The following HDAC9 variants were observed in gnomAD, a reference collection of about 807,000 sequenced individuals.
HDAC9 encodes MEF-2 interacting transcription repressor (MITR) protein.
A neutral mutation model predicts 139.4 loss-of-function variants in HDAC9; 41 were observed. The ratio of observed to expected loss-of-function variants is 0.29; its 90% CI spans 0.23 to 0.38. The LOEUF (loss-of-function observed/expected upper bound fraction) is 0.38, where lower values mean the gene tolerates loss of function less well. HDAC9 is among the 10% of genes least tolerant of loss of function. The pLI, the probability that HDAC9 is intolerant of heterozygous loss-of-function variation, is 1.00. For missense variants in HDAC9, 1,147 were observed against 1,297.0 expected (o/e 0.88, Z 1.78); for synonymous variants, 517 against 476.2 (o/e 1.09, Z -1.12).
chr7:18,520,221 A>G (rs540599150), intron 2 of HDAC9, among the ~76,000 whole-genome samples: 1 of 152,174 alleles, frequency 6.6e-6, no homozygotes, highest in South Asian at 2.1e-4. Flanking sequence ...CGTGATATAC[A>G]TCAAAATATT....
At chr7:18,661,699 C>A (rs1793204545) in intron 11 of HDAC9, among the ~76,000 whole-genome samples, 1 of 152,032 alleles carries the variant, frequency 6.6e-6, no homozygotes, top group Admixed American at 6.6e-5. Context: ...TGTTTTATAT[C>A]AAGAAACATT....
At chr7:18,622,893 C>T (rs4719535) in intron 6 of HDAC9, among the ~76,000 whole-genome samples, 10,164 of 151,574 alleles carry the variant, frequency 0.067, 731 homozygotes, top group East Asian at 0.33. Flanking sequence ...TCTGTAATCC[C>T]AGCACTTTGG....
In HDAC9 at chr7:18,996,133, G is replaced by T. The variant is rs1010930243; in HGVS notation, c.*71G>T. On this transcript the variant is annotated 3_prime_UTR_variant, in exon 26 of 26. Transcript: ENST00000686413. Reference sequence around the variant, plus strand: ...GTATCCCCCCACCCCAGTACCCTCAGACATGTCTTGTCTGCTGCCTGGGTG... The same window carrying T: ...GTATCCCCCCACCCCAGTACCCTCATACATGTCTTGTCTGCTGCCTGGGTG... 16 of 1,167,134 alleles carry T rather than the reference G, an allele frequency of 1.4e-5. No homozygotes were observed. In the African/African-American group the frequency reaches 2.3e-4, roughly 17 times the overall value. The allele number at this position is 1,167,134 out of a possible 1,614,324, so 72.3% of individuals were successfully genotyped here.
chr7:18,935,753 A>G, intron 22 of HDAC9, 56 bp from the exon 23 acceptor site: 10 of 1,375,836 alleles, frequency 7.3e-6, no homozygotes, highest in Non-Finnish European at 1.0e-6. Flanking sequence ...GTTAGATTCT[A>G]GTGATCACTT....
chr7:18,824,747 C>A (rs980814939), intron 17 of HDAC9, among the ~76,000 whole-genome samples: 2 of 152,180 alleles, frequency 1.3e-5, no homozygotes, highest in Non-Finnish European at 2.9e-5. Flanking sequence ...CTCTCTGCCA[C>A]CCTCATGTGC....
intron 25 of HDAC9, among the ~76,000 whole-genome samples, chr7:18,976,611 G>A (rs775854879): frequency 2.4e-4 from 36 of 152,150 alleles, no homozygotes; most frequent in Non-Finnish European, 4.6e-4. Context: ...GTGAAACTAA[G>A]ATTTGATTCA....
intron 2 of HDAC9, among the ~76,000 whole-genome samples, chr7:18,565,975 C>T (rs955158250): frequency 6.6e-6 from 1 of 151,754 alleles, no homozygotes; most frequent in African/African-American, 2.4e-5. Flanking sequence ...TTCATAGGAT[C>T]AGAATAATAT....
chr7:18,917,277 C>T (rs912469979), intron 22 of HDAC9, among the ~76,000 whole-genome samples: 6 of 151,694 alleles, frequency 4.0e-5, no homozygotes, highest in Non-Finnish European at 7.4e-5. Context: ...GGGCACTGCA[C>T]AATTGAAGCA....
At chr7:18,240,852 C>T (rs1464514456) in intron 2 of HDAC9, among the ~76,000 whole-genome samples, 5 of 152,180 alleles carry the variant, frequency 3.3e-5, no homozygotes, top group African/African-American at 1.2e-4. Context: ...TACTTCAGGG[C>T]TTTTGCATTT....
intron 1 of HDAC9, among the ~76,000 whole-genome samples, chr7:18,360,682 C>T (rs369280144): frequency 2.3e-4 from 35 of 152,274 alleles, no homozygotes; most frequent in African/African-American, 8.4e-4. Flanking sequence ...TTAGTTACTA[C>T]AGCACTCTTG....
chr7:18,185,986 A>G (rs1174583434), intron 2 of HDAC9, among the ~76,000 whole-genome samples: 12 of 152,220 alleles, frequency 7.9e-5, no homozygotes, highest in Non-Finnish European at 1.8e-4. Context: ...TTGAGTGTTC[A>G]TTGTATTTCA....
At chr7:18,368,309 A>AT (rs1458906190) in intron 1 of HDAC9, among the ~76,000 whole-genome samples, 2 of 151,756 alleles carry the variant, frequency 1.3e-5, no homozygotes, top group Non-Finnish European at 2.9e-5. Flanking sequence ...TCCATCTGGG[A>AT]TTTTTTTGTG....
intron 25 of HDAC9, among the ~76,000 whole-genome samples, chr7:18,980,948 C>G (rs1407764698): frequency 6.6e-6 from 1 of 151,770 alleles, no homozygotes; most frequent in African/African-American, 2.4e-5. Flanking sequence ...CTCAGCCTCT[C>G]GAGTATCTGG....
intron 2 of HDAC9, among the ~76,000 whole-genome samples, chr7:18,526,539 T>C (rs1259625355): frequency 2.0e-5 from 3 of 152,160 alleles, no homozygotes; most frequent in Non-Finnish European, 4.4e-5. Flanking sequence ...TTCTTGTCAA[T>C]GTGTCACCAA....
At chr7:18,961,562 T>C (rs1783531173) in intron 24 of HDAC9, among the ~76,000 whole-genome samples, 2 of 152,182 alleles carry the variant, frequency 1.3e-5, no homozygotes, top group South Asian at 4.1e-4. Flanking sequence ...GGAATATACA[T>C]TTTCACTGTA....
intron 24 of HDAC9, among the ~76,000 whole-genome samples, chr7:18,970,799 T>C (rs143532948): frequency 4.6e-5 from 6 of 130,042 alleles, no homozygotes; most frequent in African/African-American, 1.7e-4. Flanking sequence ...ATCATTCAAA[T>C]GGAAAAAAGG....
At chr7:18,646,753 A>T (rs1267516507) in intron 9 of HDAC9, among the ~76,000 whole-genome samples, 1 of 152,198 alleles carries the variant, frequency 6.6e-6, no homozygotes, top group African/African-American at 2.4e-5. Context: ...CTTTTGTAAT[A>T]GCAAAATGAC....
In HDAC9 at chr7:18,904,598, T is replaced by A. The variant is rs1216387506; in HGVS notation, c.2803+30002T>A. Among the ~76,000 whole-genome samples the A allele has an allele frequency of 8.6e-4, 76 of 88,248 alleles. 1 individual carries two copies. Among genetic ancestry groups the A allele is most frequent in the South Asian group, 8.1e-4 (2 of 2,464 alleles). 57.9% of individuals were successfully genotyped at this position (88,248 alleles called of 152,430 possible). On this transcript the variant is annotated intron_variant, in intron 22 of 25. Coordinates refer to ENST00000686413, the MANE Select transcript of HDAC9 (RefSeq NM_178425.4). The stretch of plus-strand genomic sequence containing the variant: ...TTTTTTTTTTTTTTTTTTTTTTTTT[T>A]AGATGGAGTCTCGCTGTCTCCCAGG...
chr7:18,310,921 T>C (rs1283374414), intron 1 of HDAC9, among the ~76,000 whole-genome samples: 3 of 152,072 alleles, frequency 2.0e-5, no homozygotes, highest in Admixed American at 2.0e-4. Context: ...TCTACTCTAT[T>C]ATCTCTTTCA....
Sources: gnomAD v4.1 joint callset for allele counts (sites outside exome capture counted in the v4.1 genomes callset) on GRCh38, gnomAD v4.1.1 for gene constraint, MANE v1.5 for transcripts, NCBI Gene and HGNC (gene_info 2026-07-23, HGNC 2026-07-21) for gene names.